The following ABR variants were observed in gnomAD, a reference collection of about 807,000 sequenced individuals.
The protein encoded by ABR is ABR activator of RhoGEF and GTPase.
In ABR, 35 loss-of-function variants were observed where a neutral mutation model predicts 107.2. That is an observed-to-expected ratio of 0.33 (90% CI 0.25 to 0.43). The LOEUF (loss-of-function observed/expected upper bound fraction) is 0.43. Among genes scored for constraint, ABR ranks in the 20% least tolerant of loss-of-function variants. ABR has a pLI of 1.00. For missense variants in ABR, 815 were observed against 1,115.2 expected (o/e 0.73, Z 3.83); for synonymous variants, 498 against 462.0 (o/e 1.08, Z -1.00).
At chr17:1,198,787 C>G (rs1413876078) in intron 1 of ABR, among the ~76,000 whole-genome samples, 1 of 139,808 alleles carries the variant, frequency 7.2e-6, no homozygotes, top group African/African-American at 2.7e-5. Flanking sequence ...AGTTGCCCAC[C>G]ACCACACCTG....
At chr17:1,152,332 G>A (rs903581764) in intron 1 of ABR, among the ~76,000 whole-genome samples, 31 of 148,260 alleles carry the variant, frequency 2.1e-4, no homozygotes, top group African/African-American at 7.5e-4. Flanking sequence ...GCTGATGCCT[G>A]TAATCCCAGC....
At chr17:1,075,312 G>C (rs2151201852) in intron 6 of ABR, among the ~76,000 whole-genome samples, 1 of 152,390 alleles carries the variant, frequency 6.6e-6, no homozygotes, top group African/African-American at 2.4e-5. Flanking sequence ...ACAGAGGCAG[G>C]TTGGTCATCT....
intron 16 of ABR, 169 bp from the exon 17 acceptor site, chr17:1,013,333 C>T: frequency 1.4e-6 from 1 of 696,936 alleles, no homozygotes; most frequent in Non-Finnish European, 2.4e-6. Flanking sequence ...GGGACCCTAG[C>T]CCCCAGGCCC....
At chr17:1,074,846 T>C (rs1281489245) in intron 6 of ABR, among the ~76,000 whole-genome samples, 2 of 152,148 alleles carry the variant, frequency 1.3e-5, no homozygotes, top group Non-Finnish European at 2.9e-5. Flanking sequence ...TTTGGGAGGC[T>C]GAGGCAGGGA....
chr17:1,041,374 C>G (rs539677064), intron 16 of ABR, among the ~76,000 whole-genome samples: 1 of 152,314 alleles, frequency 6.6e-6, no homozygotes, highest in Non-Finnish European at 1.5e-5. Flanking sequence ...ACTGGCTCTT[C>G]CAGGTATGTG....
chr17:1,039,888 A>G (rs1455861227), intron 16 of ABR, among the ~76,000 whole-genome samples: 1 of 151,908 alleles, frequency 6.6e-6, no homozygotes, highest in Non-Finnish European at 1.5e-5. Context: ...TTCCAGGGAG[A>G]GGTCACTCCG....
rs558022469 is a variant in ABR, at chr17:1,027,434, A to G, written c.1792-14270T>C. On this transcript the variant is annotated intron_variant, in intron 16 of 22. Transcript: ENST00000302538. This position sits in a 1 kb window ranked among gnomAD's most constrained non-coding sequence, Gnocchi z 4.7. ...GTGGCTCTGTGTCTGAGTGGCCTCC[A>G]GAACCTTCATCAGATTCTCAGAGTC... 6.6e-6 allele frequency among the ~76,000 whole-genome samples: 1 copy of G among 152,340 alleles called. No individual in the cohort carries two copies. Among genetic ancestry groups the G allele is most frequent in the Non-Finnish European group, 1.5e-5 (1 of 68,024 alleles).
rs999098585 is a variant in ABR, at chr17:1,150,590, G to A, written c.62-25223C>T. Among the ~76,000 whole-genome samples, 1 of 152,180 alleles carries A rather than the reference G, an allele frequency of 6.6e-6. No homozygotes were observed. The highest frequency in any genetic ancestry group is 2.4e-5 in the African/African-American group (1 of 41,442). ...GCGCACTGCCCCCTCTCACTCCTCC[G>A]GCGGCCGCCGTCCACTCCCAGTCCT... On this transcript the variant is annotated intron_variant, in intron 1 of 22. Transcript: ENST00000302538. The surrounding 1 kb of genome is among the most constrained non-coding windows in gnomAD (Gnocchi z 4.8).
At chr17:1,160,307 CAA>C in intron 1 of ABR, among the ~76,000 whole-genome samples, 1 of 138,686 alleles carries the variant, frequency 7.2e-6, no homozygotes, top group Admixed American at 7.2e-5. Flanking sequence ...CACACACACA[CAA>C]AAGGACTAAC....
Position 1,106,527 on chromosome 17 carries a change from C to CTTT in ABR, c.247-5795_247-5793dup, listed in dbSNP as rs540643214. ...CTTTTATCAGTACTCTTCTCACAGT[C>CTTT]TTTTTTTTTTTTTTTTTTTTGAGAC... is the stretch of plus-strand genomic sequence containing the variant. On this transcript the variant is annotated intron_variant, in intron 2 of 22. Transcript: ENST00000302538. Among the ~76,000 whole-genome samples, 361 of 102,580 alleles carry CTTT rather than the reference C, an allele frequency of 3.5e-3. 12 individuals are homozygous for CTTT. The highest frequency in any genetic ancestry group is 5.5e-3 in the African/African-American group (145 of 26,196). 67.3% of individuals were successfully genotyped at this position (102,580 alleles called of 152,430 possible).
intron 1 of ABR, among the ~76,000 whole-genome samples, chr17:1,202,924 TC>T (rs1484695075): frequency 6.6e-5 from 10 of 150,942 alleles, no homozygotes; most frequent in Non-Finnish European, 1.0e-4. Context: ...TCTTGCTCTG[TC>T]CCCCAGGCTA....
upstream of ABR, among the ~76,000 whole-genome samples, chr17:1,182,623 C>T (rs1216959678): frequency 6.6e-6 from 1 of 152,190 alleles, no homozygotes; most frequent in African/African-American, 2.4e-5. Context: ...GCCTCGGCCT[C>T]CCAAAGTGCT....
chr17:1,226,092 C>T (rs1246119171), intron 1 of ABR, among the ~76,000 whole-genome samples: 1 of 152,160 alleles, frequency 6.6e-6, no homozygotes, highest in Non-Finnish European at 1.5e-5. Context: ...CTGGAGCTTG[C>T]GTTTGACTGG....
chr17:1,181,702 G>A (rs1397445620), upstream of ABR, among the ~76,000 whole-genome samples: 3 of 152,230 alleles, frequency 2.0e-5, no homozygotes, highest in Non-Finnish European at 1.5e-5. Context: ...GGGGCCAAGG[G>A]CATCTCTTCT....
intron 1 of ABR, among the ~76,000 whole-genome samples, chr17:1,143,880 G>A (rs569743195): frequency 6.6e-6 from 1 of 152,240 alleles, no homozygotes; most frequent in East Asian, 1.9e-4. Context: ...TCCAGCTCTT[G>A]GGGATGGATG....
Position 1,226,157 on chromosome 17 carries a change from T to C in ABR, c.838+2636A>G, listed in dbSNP as rs115689747. Among the ~76,000 whole-genome samples, 454 of 152,138 alleles carry C rather than the reference T, an allele frequency of 3.0e-3. 4 individuals are homozygous for C. Among genetic ancestry groups the C allele is most frequent in the African/African-American group, 9.9e-3 (410 of 41,494 alleles). On this transcript the variant is annotated intron_variant, in intron 1 of 22. Transcript: ENST00000574139. ...AAATTGCAGCATCCACGGTGGTAAT[T>C]TGGGGAATGCTGTAGAGAAAAATGA...
At chr17:1,109,866 C>T (rs1292047341) in intron 2 of ABR, among the ~76,000 whole-genome samples, 1 of 131,622 alleles carries the variant, frequency 7.6e-6, no homozygotes, top group African/African-American at 2.7e-5. Flanking sequence ...CAGCCCCCCT[C>T]CTCCGAGCAG....
chr17:1,022,948 G>A (rs2071811681), intron 16 of ABR, among the ~76,000 whole-genome samples: 1 of 152,248 alleles, frequency 6.6e-6, no homozygotes, highest in South Asian at 2.1e-4. Context: ...AGCACCCGCA[G>A]CAACCTGCCT....
Position 1,050,027 on chromosome 17 carries a change from TCGCCCCGG to T in ABR, c.1791+15_1791+22del. 6.2e-7 allele frequency: 1 copy of T among 1,607,078 alleles called. No homozygotes were observed. The highest frequency in any genetic ancestry group is 8.5e-7 in the Non-Finnish European group (1 of 1,177,450). On this transcript the variant is annotated intron_variant, in intron 16 of 22. Transcript: ENST00000302538. This position sits in a 1 kb window ranked among gnomAD's most constrained non-coding sequence, Gnocchi z 4.6. ...CCACCTCCTGGAGGCTCCCTCAGCCTCGCCCCGGCGCCCTGGCCTCACCTGGATCTGTC... is the reference window on the plus strand; with the variant it reads ...CCACCTCCTGGAGGCTCCCTCAGCCTCGCCCTGGCCTCACCTGGATCTGTC...
Sources: gnomAD v4.1 joint callset for allele counts (sites outside exome capture counted in the v4.1 genomes callset) on GRCh38, gnomAD v4.1.1 for gene constraint, Gnocchi (gnomAD v3.1) non-coding constraint, MANE v1.5 for transcripts, NCBI Gene and HGNC (gene_info 2026-07-23, HGNC 2026-07-21) for gene names.